Variants in PKHD1L1 observed in about 807,000 individuals in gnomAD.
The protein encoded by PKHD1L1 is fibrocystin-L.
Under a neutral mutation model 462.9 loss-of-function variants are expected in PKHD1L1, and 434 were observed. That is an observed-to-expected ratio of 0.94 (90% CI 0.87 to 1.02). The LOEUF (loss-of-function observed/expected upper bound fraction) is 1.02. PKHD1L1 is among the 50% of genes least tolerant of loss of function. The pLI is 0.00. For missense variants in PKHD1L1, 5,202 were observed against 5,096.1 expected, an observed-to-expected ratio of 1.02 and a Z score of -0.63; for synonymous variants, 1,781 against 1,750.0, an observed-to-expected ratio of 1.02 and a Z score of -0.44.
At position 109,461,924 on chromosome 8, in the gene PKHD1L1, A is replaced by T; in HGVS notation, c.7383+16A>T. 1 of 1,586,494 alleles carries T rather than the reference A, an allele frequency of 6.3e-7. No individual in the cohort carries two copies. Among genetic ancestry groups the T allele is most frequent in the Non-Finnish European group, 8.6e-7 (1 of 1,165,196 alleles). On this transcript the variant is annotated intron_variant, in intron 48 of 77. Transcript: ENST00000378402. ...ATATGTAGAGGTGAGAGGCATTATT[A>T]CTAAATCACAGTGGTTTGCTCAAGG...
chr8:109,387,340 G>A (rs186059465), intron 6 of PKHD1L1, among the ~76,000 whole-genome samples: 10 of 152,282 alleles, frequency 6.6e-5, no homozygotes, highest in Non-Finnish European at 1.5e-4. Context: ...AGACCAAATA[G>A]GGTGGTTTTA....
At chr8:109,479,499 T>G (rs1818163914) in intron 53 of PKHD1L1, 52 bp from the exon 54 acceptor site, 3 of 1,180,766 alleles carry the variant, frequency 2.5e-6, no homozygotes, top group Non-Finnish European at 3.7e-6. Flanking sequence ...TAGACAAAAT[T>G]AGGGAATATC....
chr8:109,397,583 G>C (rs1041853457), intron 11 of PKHD1L1, among the ~76,000 whole-genome samples: 1 of 152,162 alleles, frequency 6.6e-6, no homozygotes, highest in African/African-American at 2.4e-5. Context: ...CCAGCTACTT[G>C]AGAGGCTGAG....
rs1442070742 is a variant in PKHD1L1 at position 109,451,007 on chromosome 8, G to A, written c.6208G>A (p.Val2070Met). Residue 2070 changes from valine (V) to methionine (M), a missense_variant, in exon 41 of 78, where the codon GTG becomes ATG. Around this residue, in one of 3 missense-constraint regions of PKHD1L1, gnomAD observed 4,497 missense variants for 4,336.8 expected, o/e 1.04. Transcript: ENST00000378402. The stretch of plus-strand genomic sequence containing the variant: ...AGCTGAGCAAGCCTGTGAAGTGAGT[G>A]TGGTTAATGGGAAAGATTTGTCACA... ...TGAEQACEVS[V>M]VNGKDLSQSM... The A allele has an allele frequency of 6.2e-7, 1 of 1,612,832 alleles. No homozygotes were observed. Among genetic ancestry groups the A allele is most frequent in the East Asian group, 2.2e-5 (1 of 44,872 alleles).
At chr8:109,508,055 G>C in intron 69 of PKHD1L1, 42 bp from the exon 70 acceptor site, 1 of 1,542,006 alleles carries the variant, frequency 6.5e-7, no homozygotes. Flanking sequence ...TTTGCAAAGA[G>C]ATTCTGTATT....
At chr8:109,474,592 T>G (rs939870586) in intron 50 of PKHD1L1, among the ~76,000 whole-genome samples, 1 of 152,248 alleles carries the variant, frequency 6.6e-6, no homozygotes, top group African/African-American at 2.4e-5. Context: ...TAGTAAACAT[T>G]AATATGTGTT....
chr8:109,517,274 T>C (rs558312049), intron 72 of PKHD1L1, among the ~76,000 whole-genome samples: 1 of 152,298 alleles, frequency 6.6e-6, no homozygotes, highest in South Asian at 2.1e-4. Context: ...CCCTGTGTTA[T>C]GAACCTATAC....
chr8:109,394,489 T>A lies in PKHD1L1; in HGVS notation c.811+4T>A, dbSNP rs1465488673. The A allele has an allele frequency of 6.7e-7, 1 of 1,494,476 alleles. No homozygotes were observed. Among genetic ancestry groups the A allele is most frequent in the East Asian group, 2.5e-5 (1 of 40,762 alleles). The allele number at this position is 1,494,476 out of a possible 1,614,324, so 92.6% of individuals were successfully genotyped here. A position where few individuals can be genotyped will look rare whatever the true frequency, so the allele number is the denominator to read the frequency against. ...GCAATGTTTCAAACATATGCAGGTA[T>A]GTGACTTTTCTTTCACTCTGTTGCG... On this transcript the variant is annotated splice_donor_region_variant and intron_variant, in intron 10 of 77. Coordinates refer to ENST00000378402, the MANE Select transcript of PKHD1L1 (RefSeq NM_177531.6).
chr8:109,394,563 A>C, intron 10 of PKHD1L1, 78 bp downstream of exon 10: 1 of 965,428 alleles, frequency 1.0e-6, no homozygotes, highest in Non-Finnish European at 1.5e-6. Context: ...ACCAAAGACA[A>C]TGAGTGTAAG....
intron 11 of PKHD1L1, among the ~76,000 whole-genome samples, chr8:109,398,014 T>C (rs1023147978): frequency 2.6e-5 from 4 of 151,248 alleles, no homozygotes; most frequent in Admixed American, 6.6e-5. Context: ...ATTATCCCCC[T>C]TTTTTTTTCA....
chr8:109,517,340 T>C (rs1820322179), intron 72 of PKHD1L1, among the ~76,000 whole-genome samples: 1 of 152,190 alleles, frequency 6.6e-6, no homozygotes, highest in Admixed American at 6.5e-5. Flanking sequence ...CTTTCATTAC[T>C]GTGAAATTCC....
rs747652354 is a variant in PKHD1L1, at chr8:109,475,219, G to A, written c.8707G>A (p.Val2903Met). The change falls in exon 51 of 78, where the codon GTG becomes ATG. Residue 2903 changes from valine to methionine, a missense_variant. Physicochemically the swap from Val to Met is conservative, Grantham distance 21. This residue lies in a region of PKHD1L1 where 4,497 missense variants were observed against 4,336.8 expected (regional missense o/e 1.04). Transcript: ENST00000378402. ...ANHINWYFKG[V>M]DHITNISYTS... ...TCACATTAACTGGTATTTTAAAGGT[G>A]TGGATCACATAACCAACATTTCATA... 2 of 1,611,956 alleles carry A rather than the reference G, an allele frequency of 1.2e-6. No individual in the cohort carries two copies. Among genetic ancestry groups the A allele is most frequent in the South Asian group, 1.1e-5 (1 of 90,968 alleles).
In PKHD1L1 at chr8:109,452,766, T is replaced by C. The variant is rs376573811; in HGVS notation, c.6556T>C (p.Trp2186Arg). 21 of 1,541,666 alleles carry C rather than the reference T, an allele frequency of 1.4e-5. No homozygotes were observed. The highest frequency in any genetic ancestry group is 1.7e-5 in the Non-Finnish European group (19 of 1,145,014). Residue 2186 changes from tryptophan (W) to arginine (R), a missense_variant, in exon 43 of 78, where the codon TGG becomes CGG. Trp to Arg is a moderately radical substitution (Grantham distance 101). This residue lies in a region of PKHD1L1 where 4,497 missense variants were observed against 4,336.8 expected (regional missense o/e 1.04). Coordinates refer to ENST00000378402, the MANE Select transcript of PKHD1L1 (RefSeq NM_177531.6). ...TGATGCCTGGTCCTCCAATTTCTCA[T>C]GGGGGGGAAAATCTCCCCCAGAAGA... ...YVDAWSSNFS[W>R]GGKSPPEEGS...
Position 109,440,737 on chromosome 8 carries a change from T to C in PKHD1L1, c.3984T>C (p.Tyr1328=). 1 of 1,612,064 alleles carries C rather than the reference T, an allele frequency of 6.2e-7. No homozygotes were observed. The highest frequency in any genetic ancestry group is 8.5e-7 in the Non-Finnish European group (1 of 1,178,652). ...TRDKLNSSIQ[Y]VLEVTSMFPQ... ...ACAAATTAAATTCTTCAATACAGTA[T>C]GTTTTAGAAGTGACCAGCATGTTTC... Residue 1328 remains tyrosine (Y), a synonymous_variant, in exon 33 of 78, where the codon TAT becomes TAC. Transcript: ENST00000378402.
chr8:109,432,112 G>A (rs924623250), intron 27 of PKHD1L1, among the ~76,000 whole-genome samples: 1 of 152,080 alleles, frequency 6.6e-6, no homozygotes, highest in African/African-American at 2.4e-5. Context: ...TCTGCAAAGT[G>A]TTAGCATCCT....
rs1392265969 is a variant in PKHD1L1 at position 109,533,725 on chromosome 8, T to A, written c.*3635T>A. Among the ~76,000 whole-genome samples, 1 of 152,226 alleles carries A rather than the reference T, an allele frequency of 6.6e-6. No individual in the cohort carries two copies. The highest frequency in any genetic ancestry group is 1.5e-5 in the Non-Finnish European group (1 of 68,036). On this transcript the variant is annotated 3_prime_UTR_variant, in exon 78 of 78. Transcript: ENST00000378402. ...CCTGGAGGATAAAGGCCAGTGCCTTTTATTGCTCCATAACTTGTGTTAGAA... is the reference window on the plus strand; with the variant it reads ...CCTGGAGGATAAAGGCCAGTGCCTTATATTGCTCCATAACTTGTGTTAGAA...
chr8:109,435,080 C>A, intron 28 of PKHD1L1, 110 bp from the exon 29 acceptor site: 2 of 1,131,128 alleles, frequency 1.8e-6, no homozygotes. Context: ...TTTGGATATA[C>A]TTCGTGAGAT....
At chr8:109,427,294 G>T in intron 25 of PKHD1L1, 138 bp downstream of exon 25, 3 of 692,054 alleles carry the variant, frequency 4.3e-6, no homozygotes, top group South Asian at 3.5e-5. Flanking sequence ...TTAAAAGGAA[G>T]TTAAGGAGAA....
rs1363494575 is a variant in PKHD1L1 at position 109,400,325 on chromosome 8, C to T, written c.1262C>T (p.Thr421Ile). Residue 421 changes from threonine to isoleucine, a missense_variant, in exon 13 of 78, where the codon ACT becomes ATT. Transcript: ENST00000378402. ...DDRYAIYFSQ[T>I]GLPEDKVRIA... ...CGTTATGCTATTTATTTTAGCCAGA[C>T]TGGACTTCCAGAAGATAAGGTAGGG... is the stretch of plus-strand genomic sequence containing the variant. The T allele has an allele frequency of 6.2e-7, 1 of 1,612,844 alleles. No individual in the cohort carries two copies. The highest frequency in any genetic ancestry group is 1.3e-5 in the African/African-American group (1 of 74,858).
Sources: allele counts gnomAD v4.1 joint callset (sites outside exome capture counted in the v4.1 genomes callset), GRCh38; gene constraint gnomAD v4.1.1; regional missense constraint gnomAD v4.1.1; transcripts MANE v1.5; gene names NCBI Gene and HGNC (gene_info 2026-07-23, HGNC 2026-07-21).